The following ADGRV1 variants were observed in gnomAD, a reference collection of about 807,000 sequenced individuals.
ADGRV1 encodes G-protein coupled receptor 98.
A neutral mutation model predicts 596.2 loss-of-function variants in ADGRV1; 359 were observed. The ratio of observed to expected loss-of-function variants is 0.60; its 90% CI spans 0.55 to 0.66. ADGRV1 has a LOEUF of 0.66. ADGRV1 is among the 30% of genes least tolerant of loss of function. The pLI, the probability that ADGRV1 is intolerant of heterozygous loss-of-function variation, is 0.00. For synonymous variants in ADGRV1, 2,681 were observed against 2,679.2 expected, an observed-to-expected ratio of 1.00 and a Z score of -0.02; for missense variants, 7,274 against 7,575.6, an observed-to-expected ratio of 0.96 and a Z score of 1.48.
chr5:90,598,289 CA>C (rs566609504), intron 1 of ADGRV1, among the ~76,000 whole-genome samples: 4 of 152,222 alleles, frequency 2.6e-5, no homozygotes, highest in Non-Finnish European at 5.9e-5. Context: ...GACACAGCCA[CA>C]GCACATCAAT....
At chr5:90,936,831 GCTA>G (rs1392224328) in intron 83 of ADGRV1, among the ~76,000 whole-genome samples, 1 of 151,624 alleles carries the variant, frequency 6.6e-6, no homozygotes, top group East Asian at 1.9e-4. Context: ...TGGTTTTTTT[GCTA>G]CTTTTTAATT....
At chr5:90,646,145 T>G in intron 16 of ADGRV1, 54 bp downstream of exon 16, 1 of 1,323,300 alleles carries the variant, frequency 7.6e-7, no homozygotes, top group Non-Finnish European at 1.0e-6. Flanking sequence ...ATAGTATATA[T>G]AAATGTATAT....
At chr5:90,650,521 T>A (rs1381872691) in intron 17 of ADGRV1, among the ~76,000 whole-genome samples, 1 of 152,254 alleles carries the variant, frequency 6.6e-6, no homozygotes, top group Non-Finnish European at 1.5e-5. Flanking sequence ...GATAAGCTGG[T>A]TTGCTATATA....
intron 87 of ADGRV1, among the ~76,000 whole-genome samples, chr5:91,138,339 G>A (rs1399235801): frequency 6.6e-6 from 1 of 151,846 alleles, no homozygotes; most frequent in African/African-American, 2.4e-5. Context: ...AATTTTGGGG[G>A]GCTTCTCTGT....
At chr5:90,685,250 G>A (rs1339141292) in intron 28 of ADGRV1, among the ~76,000 whole-genome samples, 1 of 152,050 alleles carries the variant, frequency 6.6e-6, no homozygotes, top group Non-Finnish European at 1.5e-5. Flanking sequence ...ATTAATGCTG[G>A]TGCATATTAA....
At chr5:90,595,531 C>T (rs866265786) in intron 1 of ADGRV1, among the ~76,000 whole-genome samples, 8 of 128,084 alleles carry the variant, frequency 6.2e-5, no homozygotes, top group African/African-American at 2.6e-4. Context: ...GCGCCCCTCA[C>T]CTCCTGGACG....
At chr5:90,883,150 CT>C (rs1456094132) in intron 83 of ADGRV1, among the ~76,000 whole-genome samples, 1 of 152,164 alleles carries the variant, frequency 6.6e-6, no homozygotes, top group Non-Finnish European at 1.5e-5. Context: ...AAAGACACAA[CT>C]GTGAAGAATC....
intron 88 of ADGRV1, among the ~76,000 whole-genome samples, chr5:91,152,860 G>C (rs1386564875): frequency 6.6e-6 from 1 of 151,602 alleles, no homozygotes; most frequent in Non-Finnish European, 1.5e-5. Flanking sequence ...AATTTTCGTA[G>C]AGATGGGGGT....
chr5:91,160,733 G>A (rs1185673306), intron 89 of ADGRV1, among the ~76,000 whole-genome samples: 1 of 152,060 alleles, frequency 6.6e-6, no homozygotes, highest in Non-Finnish European at 1.5e-5. Context: ...AATTGCAAAG[G>A]GATGGGAGAC....
intron 1 of ADGRV1, among the ~76,000 whole-genome samples, chr5:90,572,233 G>C (rs1014478386): frequency 6.6e-6 from 1 of 152,128 alleles, no homozygotes; most frequent in Non-Finnish European, 1.5e-5. Flanking sequence ...GATGTATGTT[G>C]ATAAGCTCTT....
At chr5:91,125,847 T>G (rs1158843140) in intron 87 of ADGRV1, among the ~76,000 whole-genome samples, 1 of 152,190 alleles carries the variant, frequency 6.6e-6, no homozygotes, top group African/African-American at 2.4e-5. Context: ...AGTGATTATG[T>G]TCATATTTGA....
intron 87 of ADGRV1, 90 bp downstream of exon 87, chr5:91,102,430 C>A: frequency 8.7e-7 from 1 of 1,146,684 alleles, no homozygotes; most frequent in Non-Finnish European, 1.2e-6. Flanking sequence ...CAAGCATCCA[C>A]ACACAGGTGA....
At chr5:90,753,004 T>A (rs1217182099) in intron 53 of ADGRV1, among the ~76,000 whole-genome samples, 1 of 132,212 alleles carries the variant, frequency 7.6e-6, no homozygotes, top group Non-Finnish European at 1.7e-5. Context: ...AGAAGTCCTA[T>A]CAGCAAGGTC....
rs112437343 is a variant in ADGRV1 at position 90,847,777 on chromosome 5, A to G, written c.17020-860A>G. Among the ~76,000 whole-genome samples the G allele has an allele frequency of 5.5e-3, 840 of 152,274 alleles. 10 individuals are homozygous for G. Among genetic ancestry groups the G allele is most frequent in the African/African-American group, 0.019 (798 of 41,548 alleles). On this transcript the variant is annotated intron_variant, in intron 78 of 89. Coordinates refer to ENST00000405460, the MANE Select transcript of ADGRV1 (RefSeq NM_032119.4). ...TGGCTGGCCGCTGAATGCGGGGCCC[A>G]CTGAGCCCACGCCCACCCGGAACTC...
chr5:91,054,780 C>A (rs938909650), intron 85 of ADGRV1, among the ~76,000 whole-genome samples: 5 of 152,128 alleles, frequency 3.3e-5, no homozygotes, highest in African/African-American at 1.2e-4. Context: ...AGGATTTCAA[C>A]ATGTAAATTT....
chr5:90,997,295 C>T (rs1020390835), intron 85 of ADGRV1, among the ~76,000 whole-genome samples: 3 of 152,108 alleles, frequency 2.0e-5, no homozygotes, highest in African/African-American at 7.2e-5. Context: ...TGGTTTAGCA[C>T]CATCCCCAGA....
At chr5:90,974,488 G>A (rs540677225) in intron 84 of ADGRV1, among the ~76,000 whole-genome samples, 36 of 152,224 alleles carry the variant, frequency 2.4e-4, no homozygotes, top group Non-Finnish European at 3.8e-4. Flanking sequence ...CATGGTACTG[G>A]TACCAAAACA....
chr5:90,763,393 T>C lies in ADGRV1; in HGVS notation c.12209T>C (p.Val4070Ala). 1 of 1,613,624 alleles carries C rather than the reference T, an allele frequency of 6.2e-7. No homozygotes were observed. The highest frequency in any genetic ancestry group is 8.5e-7 in the Non-Finnish European group (1 of 1,179,630). Residue 4070 changes from valine (V) to alanine (A), a missense_variant, in exon 59 of 90, where the codon GTC becomes GCC. Val to Ala is a moderately conservative substitution (Grantham distance 64). Coordinates refer to ENST00000405460, the MANE Select transcript of ADGRV1 (RefSeq NM_032119.4). Reference sequence around the variant, plus strand: ...CGGTCCCCAGGAGGAAAAGGAACCGTCCGACTTGAGTGGACCATAGATGAG... The same window carrying C: ...CGGTCCCCAGGAGGAAAAGGAACCGCCCGACTTGAGTGGACCATAGATGAG... Reference protein sequence around the residue: ...VVRSPGGKGTVRLEWTIDEKA... With the variant: ...VVRSPGGKGTARLEWTIDEKA...
At chr5:91,052,436 CTT>C (rs776174555) in intron 85 of ADGRV1, among the ~76,000 whole-genome samples, 101 of 140,280 alleles carry the variant, frequency 7.2e-4, no homozygotes, top group African/African-American at 1.7e-3. Context: ...CTGCATATTT[CTT>C]TTTTTTTTTT....
Sources: gnomAD v4.1 joint callset for allele counts (sites outside exome capture counted in the v4.1 genomes callset) on GRCh38, gnomAD v4.1.1 for gene constraint, MANE v1.5 for transcripts, NCBI Gene and HGNC (gene_info 2026-07-23, HGNC 2026-07-21) for gene names.